The following GNG7 variants were observed in gnomAD, a reference collection of about 807,000 sequenced individuals.
GNG7 encodes the protein guanine nucleotide-binding protein G(I)/G(S)/G(O) subunit gamma-7.
In GNG7, 1 loss-of-function variant was observed where a neutral mutation model predicts 4.0. The ratio of observed to expected loss-of-function variants is 0.25; its 90% confidence interval spans 0.09 to 1.18. The LOEUF is 1.18. Ranked by LOEUF, GNG7 falls within the 50% of genes most tolerant of loss-of-function variation. GNG7 has a pLI of 0.50. For synonymous variants in GNG7, 34 were observed against 36.9 expected (o/e 0.92, Z 0.29); for missense variants, 86 against 91.9 (o/e 0.94, Z 0.26).
At chr19:2,577,485 G>A (rs769728419) in intron 2 of GNG7, among the ~76,000 whole-genome samples, 134 of 152,008 alleles carry the variant, frequency 8.8e-4, no homozygotes, top group Non-Finnish European at 1.1e-3. Context: ...GCAATGCACC[G>A]CTCACTTCTT....
intron 2 of GNG7, among the ~76,000 whole-genome samples, chr19:2,645,663 C>G (rs796192535): frequency 6.6e-6 from 1 of 152,204 alleles, no homozygotes; most frequent in Admixed American, 6.6e-5. Context: ...GGTGCACATT[C>G]ATGTCCCCAG....
At chr19:2,665,361 T>TG (rs145443709) in intron 1 of GNG7, among the ~76,000 whole-genome samples, 18,909 of 131,660 alleles carry the variant, frequency 0.14, 1,588 homozygotes, top group East Asian at 0.25. Context: ...CAGTGTCCCC[T>TG]GGGGGGGGGG....
intron 2 of GNG7, among the ~76,000 whole-genome samples, chr19:2,640,926 GGCTCTCACCAAGTTCTGA>G (rs1264614820): frequency 6.6e-6 from 1 of 152,204 alleles, no homozygotes; most frequent in Non-Finnish European, 1.5e-5. Context: ...ACCACACCCA[GGCTCTCACCAAGTTCTGA>G]CGTCAATCAG....
chr19:2,599,827 C>T (rs1337289968), intron 2 of GNG7, among the ~76,000 whole-genome samples: 1 of 151,830 alleles, frequency 6.6e-6, no homozygotes, highest in Non-Finnish European at 1.5e-5. Context: ...ATCCCAGCTA[C>T]TCAGGAGGCT....
chr19:2,617,985 G>T lies in GNG7; in HGVS notation c.-78+28239C>A, dbSNP rs187562619. ...TCCTCCCACCTCGGCCTCCCAAAGC[G>T]CTGAGATTACAGGCGTGACTATTTC... On this transcript the variant is annotated intron_variant, in intron 2 of 4. Coordinates refer to ENST00000382159, the MANE Select transcript of GNG7 (RefSeq NM_052847.3). The surrounding 1 kb of genome is among the most constrained non-coding windows in gnomAD (Gnocchi z 4.7). 6.6e-6 allele frequency among the ~76,000 whole-genome samples: 1 copy of T among 151,926 alleles called. No homozygotes were observed. Among genetic ancestry groups the T allele is most frequent in the Non-Finnish European group, 1.5e-5 (1 of 67,984 alleles).
rs139286302 is a variant in GNG7 at position 2,618,489 on chromosome 19, C to T, written c.-78+27735G>A. Among the ~76,000 whole-genome samples the T allele has an allele frequency of 0.04, 6,053 of 151,958 alleles. 180 individuals are homozygous for T. The highest frequency in any genetic ancestry group is 0.058 in the Non-Finnish European group (3,937 of 67,950). ...TCAGCCTCCCAAGTAGCTGGGATTA[C>T]AGGCACGTGCCACCACACCCACCTA... On this transcript the variant is annotated intron_variant, in intron 2 of 4. Coordinates refer to ENST00000382159, the MANE Select transcript of GNG7 (RefSeq NM_052847.3). This position sits in a 1 kb window ranked among gnomAD's most constrained non-coding sequence, Gnocchi z 5.1.
chr19:2,572,599 T>TTG (rs1313650475), intron 2 of GNG7, among the ~76,000 whole-genome samples: 1 of 122,784 alleles, frequency 8.1e-6, no homozygotes, highest in Non-Finnish European at 1.8e-5. Flanking sequence ...GCCCGGCCCT[T>TTG]TTTTTTTTTT....
At chr19:2,559,087 A>G (rs910279546) in intron 2 of GNG7, among the ~76,000 whole-genome samples, 2 of 152,050 alleles carry the variant, frequency 1.3e-5, no homozygotes, top group East Asian at 3.8e-4. Flanking sequence ...AGCGTGAGCC[A>G]TCGCGCCCAG....
chr19:2,535,754 G>A (rs2144741279), intron 3 of GNG7, among the ~76,000 whole-genome samples: 1 of 152,168 alleles, frequency 6.6e-6, no homozygotes, highest in Non-Finnish European at 1.5e-5. Context: ...CTAGAACACG[G>A]TACACTCGGA....
At chr19:2,549,331 C>T (rs1979240242) in intron 3 of GNG7, among the ~76,000 whole-genome samples, 2 of 150,368 alleles carry the variant, frequency 1.3e-5, no homozygotes, top group South Asian at 4.2e-4. Context: ...CTCACTCTGT[C>T]ACCCAGGTTG....
At chr19:2,532,823 G>A (rs1978637219) in intron 3 of GNG7, among the ~76,000 whole-genome samples, 3 of 152,138 alleles carry the variant, frequency 2.0e-5, no homozygotes, top group Admixed American at 2.0e-4. Flanking sequence ...TAGAAGAACT[G>A]GAGGCATCAT....
At chr19:2,558,405 T>A (rs1979634235) in intron 2 of GNG7, among the ~76,000 whole-genome samples, 1 of 151,564 alleles carries the variant, frequency 6.6e-6, no homozygotes, top group Non-Finnish European at 1.5e-5. Context: ...CCCAGCTAAT[T>A]TTTATTCCTG....
chr19:2,540,749 T>C (rs1978934212), intron 3 of GNG7, among the ~76,000 whole-genome samples: 1 of 152,198 alleles, frequency 6.6e-6, no homozygotes, highest in Non-Finnish European at 1.5e-5. Flanking sequence ...CGGGGAGACC[T>C]GCCGGAGCAA....
At position 2,634,588 on chromosome 19, in the gene GNG7, G is replaced by A. The variant is rs185217991; in HGVS notation, c.-78+11636C>T. Among the ~76,000 whole-genome samples, 950 of 152,164 alleles carry A rather than the reference G, an allele frequency of 6.2e-3. 8 individuals are homozygous for A. The highest frequency in any genetic ancestry group is 0.022 in the African/African-American group (897 of 41,506). ...GGCACAGCGCCCCGTAATTACTTGC[G>A]GGCTGCACACACGTTTTCTCTCGGG... On this transcript the variant is annotated intron_variant, in intron 2 of 4. Coordinates refer to ENST00000382159, the MANE Select transcript of GNG7 (RefSeq NM_052847.3). This position sits in a 1 kb window ranked among gnomAD's most constrained non-coding sequence, Gnocchi z 5.3.
At chr19:2,661,504 A>T (rs116229470) in intron 1 of GNG7, among the ~76,000 whole-genome samples, 6,941 of 151,624 alleles carry the variant, frequency 0.046, 204 homozygotes, top group African/African-American at 0.078. Context: ...ACTAAAAAAA[A>T]ATATAAAAAT....
intron 2 of GNG7, among the ~76,000 whole-genome samples, chr19:2,576,153 C>T (rs1217554458): frequency 6.6e-6 from 1 of 152,244 alleles, no homozygotes; most frequent in Non-Finnish European, 1.5e-5. Context: ...GCGGCACGGG[C>T]ACGTGCTCCC....
At chr19:2,574,070 G>C (rs1230122653) in intron 2 of GNG7, among the ~76,000 whole-genome samples, 1 of 152,116 alleles carries the variant, frequency 6.6e-6, no homozygotes, top group African/African-American at 2.4e-5. Flanking sequence ...TGGGTGCCTG[G>C]GTCTGGCCCA....
intron 1 of GNG7, among the ~76,000 whole-genome samples, chr19:2,698,032 C>T (rs541888002): frequency 3.0e-4 from 46 of 151,316 alleles, no homozygotes; most frequent in African/African-American, 1.1e-3. Flanking sequence ...TTTGGGAGGT[C>T]GAGGCAGGTG....
chr19:2,698,968 G>A (rs1258203770), intron 1 of GNG7, among the ~76,000 whole-genome samples: 1 of 152,226 alleles, frequency 6.6e-6, no homozygotes, highest in East Asian at 1.9e-4. Flanking sequence ...CTGTAAGATC[G>A]AGACGCACCT....
Sources: allele counts gnomAD v4.1 joint callset (sites outside exome capture counted in the v4.1 genomes callset), GRCh38; gene constraint gnomAD v4.1.1; non-coding constraint Gnocchi (gnomAD v3.1); transcripts MANE v1.5; gene names NCBI Gene and HGNC (gene_info 2026-07-23, HGNC 2026-07-21).